ABCB1: variants seen among roughly 807,000 people sequenced by gnomAD.
The protein encoded by ABCB1 is ATP binding cassette subfamily B member 1.
ABCB1 carries 69 observed loss-of-function variants against 142.0 expected under a neutral mutation model. The ratio of observed to expected loss-of-function variants is 0.49; its 90% CI spans 0.40 to 0.59. The LOEUF is 0.59. ABCB1 is among the 20% of genes least tolerant of loss of function. The pLI, the probability that ABCB1 is intolerant of heterozygous loss-of-function variation, is 0.00. For missense variants in ABCB1, 1,326 were observed against 1,554.7 expected, an observed-to-expected ratio of 0.85 and a Z score of 2.47; for synonymous variants, 532 against 539.2, an observed-to-expected ratio of 0.99 and a Z score of 0.18.
intron 21 of ABCB1, among the ~76,000 whole-genome samples, chr7:87,523,626 A>G (rs1815638729): frequency 6.6e-6 from 1 of 152,218 alleles, no homozygotes; most frequent in Non-Finnish European, 1.5e-5. Flanking sequence ...CATCTTAAAA[A>G]GAAAGTTTCC....
intron 1 of ABCB1, among the ~76,000 whole-genome samples, chr7:87,632,587 A>G (rs1821334390): frequency 6.6e-6 from 1 of 152,202 alleles, no homozygotes; most frequent in African/African-American, 2.4e-5. Context: ...AGAACCAACT[A>G]GTATTTTCCC....
At chr7:87,686,471 A>G (rs1827468795) in intron 1 of ABCB1, among the ~76,000 whole-genome samples, 1 of 152,210 alleles carries the variant, frequency 6.6e-6, no homozygotes, top group East Asian at 1.9e-4. Context: ...GTTCTTTAAA[A>G]TGTCATCTGT....
At chr7:87,689,180 T>G (rs528574052) in intron 1 of ABCB1, among the ~76,000 whole-genome samples, 1 of 152,124 alleles carries the variant, frequency 6.6e-6, no homozygotes, top group African/African-American at 2.4e-5. Flanking sequence ...ATCTGAGATT[T>G]TTTTGAATGT....
chr7:87,578,892 A>G (rs974481804), intron 4 of ABCB1, among the ~76,000 whole-genome samples: 1 of 151,252 alleles, frequency 6.6e-6, no homozygotes, highest in Non-Finnish European at 1.5e-5. Flanking sequence ...ACAGGGTTTC[A>G]CCGTTTTAGC....
chr7:87,509,503 T>C (rs200182870), intron 25 of ABCB1, 22 bp from the exon 26 acceptor site: 6 of 1,611,668 alleles, frequency 3.7e-6, no homozygotes, highest in Non-Finnish European at 4.2e-6. Flanking sequence ...AGTTCACAGA[T>C]CAACTTCAGG....
rs545547393 is a variant in ABCB1 at position 87,571,319 on chromosome 7, G to A, written c.287-1096C>T. Among the ~76,000 whole-genome samples, 151 of 152,278 alleles carry A rather than the reference G, an allele frequency of 9.9e-4. 1 individual carries two copies. The Middle Eastern group carries it at 0.02, about 21-fold the overall frequency. On this transcript the variant is annotated intron_variant, in intron 4 of 27. Transcript: ENST00000622132. The stretch of plus-strand genomic sequence containing the variant: ...CTGGAAAGATAATCTGGGTCCTGCA[G>A]GTATGGTGCAAGAAAACAGACCAGC...
chr7:87,522,545 A>C (rs1815561313), intron 21 of ABCB1: 18 of 466,734 alleles, frequency 3.9e-5, no homozygotes, highest in South Asian at 2.9e-4. Flanking sequence ...ACAAGAAGAC[A>C]TGTTTTAGAC....
intron 1 of ABCB1, among the ~76,000 whole-genome samples, chr7:87,706,383 C>T (rs897852558): frequency 6.6e-6 from 1 of 151,824 alleles, no homozygotes; most frequent in Non-Finnish European, 1.5e-5. Context: ...GGAGTAGAAG[C>T]AGAGAATTTA....
intron 21 of ABCB1, among the ~76,000 whole-genome samples, chr7:87,528,453 T>A (rs1209935855): frequency 1.3e-5 from 2 of 152,004 alleles, no homozygotes; most frequent in African/African-American, 2.4e-5. Flanking sequence ...GGCTTGTGAG[T>A]TTTTTCAAAT....
intron 4 of ABCB1, among the ~76,000 whole-genome samples, chr7:87,579,522 C>A (rs1416362986): frequency 6.6e-6 from 1 of 152,164 alleles, no homozygotes. Context: ...GATTAGTTTG[C>A]ATACGATGAA....
chr7:87,505,752 A>G (rs1467795665), intron 27 of ABCB1, 145 bp downstream of exon 27: 5 of 979,120 alleles, frequency 5.1e-6, no homozygotes, highest in Non-Finnish European at 7.8e-6. Flanking sequence ...CCTGAATAAC[A>G]GCTACAGAAA....
At chr7:87,564,787 A>C (rs1237674900) in intron 7 of ABCB1, among the ~76,000 whole-genome samples, 1 of 152,234 alleles carries the variant, frequency 6.6e-6, no homozygotes, top group Non-Finnish European at 1.5e-5. Flanking sequence ...ATGGCATGTG[A>C]AGCAATGCAT....
chr7:87,662,623 T>G (rs1161892019), intron 1 of ABCB1, among the ~76,000 whole-genome samples: 1 of 152,162 alleles, frequency 6.6e-6, no homozygotes, highest in African/African-American at 2.4e-5. Context: ...TATCTCTTTT[T>G]ATGCCAGTAC....
At chr7:87,650,410 T>C (rs889176539) in intron 1 of ABCB1, among the ~76,000 whole-genome samples, 1 of 151,954 alleles carries the variant, frequency 6.6e-6, no homozygotes, top group African/African-American at 2.4e-5. Flanking sequence ...CCATTCCTCA[T>C]AGATGACACC....
intron 15 of ABCB1, among the ~76,000 whole-genome samples, 199 bp from the exon 16 acceptor site, chr7:87,545,198 C>G (rs889479482): frequency 6.6e-6 from 1 of 152,066 alleles, no homozygotes; most frequent in South Asian, 2.1e-4. Flanking sequence ...CGAAAACCAC[C>G]AAAGAAGAAT....
At chr7:87,521,513 T>G in intron 21 of ABCB1, 1 of 750,972 alleles carries the variant, frequency 1.3e-6, no homozygotes, top group Non-Finnish European at 2.5e-6. Flanking sequence ...AAATTCTTCA[T>G]TGGAGGTTGA....
chr7:87,550,370 G>A, intron 11 of ABCB1, 74 bp from the exon 12 acceptor site: 1 of 1,609,672 alleles, frequency 6.2e-7, no homozygotes. Context: ...TGTTCACTAG[G>A]TTTAAATATA....
In ABCB1 at chr7:87,516,675, AC is replaced by A; in HGVS notation, c.2928-11del. On this transcript the variant is annotated splice_polypyrimidine_tract_variant and intron_variant, in intron 23 of 27. Transcript: ENST00000622132. ...AACAGCTGAAAATACTCTGGAAAGC[AC>A]AAACACAAAACATGTGCACAGCATT... 6.2e-7 allele frequency: 1 copy of A among 1,612,770 alleles called. No individual in the cohort carries two copies. Among genetic ancestry groups the A allele is most frequent in the Non-Finnish European group, 8.5e-7 (1 of 1,179,782 alleles).
chr7:87,688,286 A>G (rs1165743908), intron 1 of ABCB1, among the ~76,000 whole-genome samples: 1 of 152,136 alleles, frequency 6.6e-6, no homozygotes, highest in East Asian at 1.9e-4. Flanking sequence ...TGAATCTTAT[A>G]TTAATGTTTT....
Sources: gnomAD v4.1 joint callset for allele counts (sites outside exome capture counted in the v4.1 genomes callset) on GRCh38, gnomAD v4.1.1 for gene constraint, MANE v1.5 for transcripts, NCBI Gene and HGNC (gene_info 2026-07-23, HGNC 2026-07-21) for gene names.